The following UGT1A6 variants were observed in gnomAD, a reference collection of about 807,000 sequenced individuals.
UGT1A6 encodes UDP glucuronosyltransferase family 1 member A6.
A neutral mutation model predicts 44.4 loss-of-function variants in UGT1A6; 32 were observed. That is an observed-to-expected ratio of 0.72 (90% confidence interval 0.54 to 0.97). The LOEUF (loss-of-function observed/expected upper bound fraction) is 0.97, where lower values mean the gene tolerates loss of function less well. Among genes scored for constraint, UGT1A6 ranks in the 50% least tolerant of loss-of-function variants. UGT1A6 has a pLI of 0.00. For synonymous variants in UGT1A6, 238 were observed against 248.5 expected (o/e 0.96, Z 0.40); for missense variants, 685 against 661.9 (o/e 1.03, Z -0.38).
chr2:233,729,312 C>G (rs747184472), intron 1 of UGT1A6: 38 of 1,614,236 alleles, frequency 2.4e-5, no homozygotes, highest in Admixed American at 5.0e-5. Flanking sequence ...TGGTCCTCAC[C>G]CCAGAGGTGA....
At chr2:233,705,566 A>C (rs968273952) in intron 1 of UGT1A6, among the ~76,000 whole-genome samples, 1 of 152,172 alleles carries the variant, frequency 6.6e-6, no homozygotes, top group Non-Finnish European at 1.5e-5. Context: ...GCTTGTGGCA[A>C]GGGATAGAAA....
At chr2:233,744,463 T>C (rs376604429) in intron 1 of UGT1A6, among the ~76,000 whole-genome samples, 1 of 151,892 alleles carries the variant, frequency 6.6e-6, no homozygotes, top group African/African-American at 2.4e-5. Flanking sequence ...TAAAACAGAA[T>C]TAAAAAGACA....
intron 1 of UGT1A6, among the ~76,000 whole-genome samples, chr2:233,739,441 A>G (rs1691102531): frequency 6.6e-6 from 1 of 152,220 alleles, no homozygotes. Context: ...TTTACCCTGC[A>G]AAGCCACAGG....
chr2:233,707,007 A>G (rs1281563628), intron 1 of UGT1A6, among the ~76,000 whole-genome samples: 1 of 152,176 alleles, frequency 6.6e-6, no homozygotes, highest in African/African-American at 2.4e-5. Context: ...ACAGGAACCT[A>G]GGATCCATGG....
At chr2:233,733,279 T>C (rs2078376954) in intron 1 of UGT1A6, among the ~76,000 whole-genome samples, 1 of 152,208 alleles carries the variant, frequency 6.6e-6, no homozygotes, top group Non-Finnish European at 1.5e-5. Flanking sequence ...CTTCCTCTTT[T>C]CCTAATTGAA....
At chr2:233,729,299 C>T in intron 1 of UGT1A6, 2 of 1,614,234 alleles carry the variant, frequency 1.2e-6, no homozygotes, top group Non-Finnish European at 1.7e-6. Flanking sequence ...GGCCACCAGG[C>T]AGTGGTCCTC....
At chr2:233,737,942 T>G (rs866502344) in intron 1 of UGT1A6, among the ~76,000 whole-genome samples, 1 of 152,150 alleles carries the variant, frequency 6.6e-6, no homozygotes, top group Non-Finnish European at 1.5e-5. Flanking sequence ...GTCCATTGAC[T>G]GTTTCCCAAC....
chr2:233,691,739 T>C (rs1209957250), upstream of UGT1A6: 1 of 680,588 alleles, frequency 1.5e-6, no homozygotes, highest in Non-Finnish European at 1.8e-6. Flanking sequence ...CAGAAGCAGA[T>C]ACCAGGCTTT....
chr2:233,729,418 C>A, intron 1 of UGT1A6: 1 of 1,613,756 alleles, frequency 6.2e-7, no homozygotes, highest in Middle Eastern at 1.6e-4. Context: ...GGGCCACACT[C>A]AACTGTACTT....
intron 1 of UGT1A6, chr2:233,719,479 T>A: frequency 1.9e-6 from 3 of 1,614,024 alleles, no homozygotes; most frequent in Non-Finnish European, 2.5e-6. Flanking sequence ...CCTCTGGCCC[T>A]GTCCTACATT....
chr2:233,743,344 G>C, intron 1 of UGT1A6: 1 of 880,632 alleles, frequency 1.1e-6, no homozygotes, highest in South Asian at 1.4e-5. Context: ...AGTGGAAGTC[G>C]ACATGGACTT....
chr2:233,749,872 A>G (rs1694289871), intron 1 of UGT1A6, among the ~76,000 whole-genome samples: 1 of 151,942 alleles, frequency 6.6e-6, no homozygotes, highest in South Asian at 2.1e-4. Context: ...TGCCAGGATT[A>G]TAAGTTTCCT....
chr2:233,729,156 G>A (rs397978902), intron 1 of UGT1A6: 62 of 1,613,462 alleles, frequency 3.8e-5, no homozygotes, highest in East Asian at 8.9e-5. Flanking sequence ...TTCCCCTGCC[G>A]TGGCTGGCCA....
At chr2:233,750,935 G>GCC (rs1240414460) in intron 1 of UGT1A6, among the ~76,000 whole-genome samples, 5 of 151,828 alleles carry the variant, frequency 3.3e-5, no homozygotes, top group Non-Finnish European at 7.3e-5. Flanking sequence ...TGAGGTTGGA[G>GCC]CCCCCACACA....
In UGT1A6 at chr2:233,693,952, C is replaced by T. The variant is rs1040286901; in HGVS notation, c.861+87C>T. ...ATTTGGCTCCTTGAGCCGACTGTCC[C>T]TTGGAGGATTTCCTGGAGAAACGGT... On this transcript the variant is annotated intron_variant, in intron 1 of 4. Coordinates refer to ENST00000305139, the MANE Select transcript of UGT1A6 (RefSeq NM_001072.4). The T allele has an allele frequency of 1.9e-6, 3 of 1,588,800 alleles. No homozygotes were observed. The African/African-American group carries it at 4.1e-5, about 21-fold the overall frequency.
At chr2:233,719,439 T>C (rs2076766360) in intron 1 of UGT1A6, 1 of 1,613,970 alleles carries the variant, frequency 6.2e-7, no homozygotes, top group Non-Finnish European at 8.5e-7. Context: ...CCACATGACA[T>C]TCCTGCAAAG....
intron 1 of UGT1A6, among the ~76,000 whole-genome samples, chr2:233,761,951 C>T (rs997594435): frequency 3.9e-5 from 6 of 152,200 alleles, no homozygotes; most frequent in Non-Finnish European, 8.8e-5. Flanking sequence ...GCGTCTGGCT[C>T]CCATTAAGGG....
chr2:233,753,302 G>A (rs17862878), intron 1 of UGT1A6: 18,739 of 152,254 alleles, frequency 0.12, 1,732 homozygotes, highest in African/African-American at 0.24. Flanking sequence ...GTGAGACCCC[G>A]TGTGCCCCTG....
chr2:233,694,994 A>G (rs1243890863), intron 1 of UGT1A6, among the ~76,000 whole-genome samples: 2 of 152,138 alleles, frequency 1.3e-5, no homozygotes, highest in South Asian at 2.1e-4. Context: ...GAACATTCCC[A>G]TTCTTCATTT....
Sources: gnomAD v4.1 joint callset for allele counts (sites outside exome capture counted in the v4.1 genomes callset) on GRCh38, gnomAD v4.1.1 for gene constraint, MANE v1.5 for transcripts, NCBI Gene and HGNC (gene_info 2026-07-23, HGNC 2026-07-21) for gene names.